The following ZC3H12B variants were observed in gnomAD, a reference collection of about 807,000 sequenced individuals.
The protein encoded by ZC3H12B is zinc finger CCCH-type containing 12B, also known as probable ribonuclease ZC3H12B.
In ZC3H12B, 7 loss-of-function variants were observed where a neutral mutation model predicts 43.9. That is an observed-to-expected ratio of 0.16 (90% CI 0.09 to 0.30). The LOEUF is 0.30. Ranked by LOEUF, ZC3H12B falls within the 10% of genes least tolerant of loss-of-function variation. ZC3H12B has a pLI of 1.00. For missense variants in ZC3H12B, 475 were observed against 670.2 expected, an observed-to-expected ratio of 0.71 and a Z score of 3.22; for synonymous variants, 222 against 241.7, an observed-to-expected ratio of 0.92 and a Z score of 0.76.
the ZC3H12B span, among the ~76,000 whole-genome samples, chrX:65,207,463 A>C: frequency 9.0e-6 from 1 of 110,888 alleles, no homozygotes; most frequent in Admixed American, 9.7e-5. Flanking sequence ...AATGATGACA[A>C]TGCACTTAAA....
chrX:65,409,617 A>G (rs1165089806), intron 3 of ZC3H12B, among the ~76,000 whole-genome samples: 1 of 109,674 alleles, frequency 9.1e-6, no homozygotes, highest in Non-Finnish European at 1.9e-5. Context: ...TGATAAATTC[A>G]GTAAGGTAGG....
chrX:65,346,315 T>C, the ZC3H12B span, among the ~76,000 whole-genome samples: 2 of 105,176 alleles, frequency 1.9e-5, no homozygotes, highest in African/African-American at 3.5e-5. Flanking sequence ...AAACCAGCAG[T>C]AAAACCACAT....
the ZC3H12B span, among the ~76,000 whole-genome samples, chrX:65,195,426 C>T: frequency 1.8e-5 from 2 of 111,987 alleles, no homozygotes; most frequent in Non-Finnish European, 3.8e-5. Context: ...TATAAACCAA[C>T]AAACAAGCGA....
the ZC3H12B span, among the ~76,000 whole-genome samples, chrX:65,355,711 G>T: frequency 8.9e-6 from 1 of 111,762 alleles, no homozygotes; most frequent in Non-Finnish European, 1.9e-5. Flanking sequence ...GGTGGAACAT[G>T]CCTGTAATTC....
the ZC3H12B span, among the ~76,000 whole-genome samples, chrX:65,203,311 A>C: frequency 9.0e-6 from 1 of 111,591 alleles, no homozygotes; most frequent in East Asian, 2.9e-4. Context: ...CTCTTTCCAT[A>C]GCCACCACAG....
chrX:65,387,645 T>A (rs5918564), intron 2 of ZC3H12B, among the ~76,000 whole-genome samples: 23,240 of 110,876 alleles, frequency 0.21, 2,228 homozygotes, highest in Admixed American at 0.32. Flanking sequence ...TTTACATTTA[T>A]GGTTAATATT....
the ZC3H12B span, among the ~76,000 whole-genome samples, chrX:65,252,464 A>T: frequency 6.4e-4 from 72 of 112,066 alleles, no homozygotes; most frequent in African/African-American, 2.3e-3. Context: ...TAAAAAATTA[A>T]TACACACAAA....
the ZC3H12B span, chrX:65,184,895 A>G: frequency 2.7e-5 from 3 of 111,647 alleles, no homozygotes; most frequent in South Asian, 7.5e-4. Context: ...ATAATTATAC[A>G]TATTTATGAG....
the ZC3H12B span, among the ~76,000 whole-genome samples, chrX:65,214,797 G>T: frequency 1.8e-5 from 2 of 111,712 alleles, no homozygotes; most frequent in Non-Finnish European, 3.8e-5. Flanking sequence ...TTATCAAGGT[G>T]CATCAGAGGA....
At chrX:65,066,092 C>T in the ZC3H12B span, among the ~76,000 whole-genome samples, 5 of 109,171 alleles carry the variant, frequency 4.6e-5, no homozygotes, top group African/African-American at 1.3e-4. Flanking sequence ...GAAACATGCT[C>T]CTCGCCTTGG....
the ZC3H12B span, among the ~76,000 whole-genome samples, chrX:65,127,907 C>A: frequency 9.0e-6 from 1 of 111,385 alleles, no homozygotes; most frequent in Non-Finnish European, 1.9e-5. Flanking sequence ...AGTCTATTTC[C>A]AGGCAGCCAG....
chrX:65,203,868 C>A, the ZC3H12B span, among the ~76,000 whole-genome samples: 1 of 111,935 alleles, frequency 8.9e-6, no homozygotes, highest in Non-Finnish European at 1.9e-5. Flanking sequence ...CCATAGAGCA[C>A]TGTAGCCTGT....
intron 3 of ZC3H12B, among the ~76,000 whole-genome samples, chrX:65,435,963 C>A (rs1321089185): frequency 8.9e-6 from 1 of 112,118 alleles, no homozygotes; most frequent in Non-Finnish European, 1.9e-5. Context: ...TCCATTCTCA[C>A]ATTGCTTCAA....
chrX:65,445,824 T>C (rs2067368521), intron 3 of ZC3H12B, among the ~76,000 whole-genome samples: 1 of 112,279 alleles, frequency 8.9e-6, no homozygotes, highest in African/African-American at 3.2e-5. Context: ...AGAAATCTAC[T>C]TGTTGCTTTA....
chrX:65,317,417 G>T, the ZC3H12B span, among the ~76,000 whole-genome samples: 2 of 110,417 alleles, frequency 1.8e-5, no homozygotes, highest in African/African-American at 3.3e-5. Context: ...GGAAACAGGT[G>T]GTCTTTGGTT....
chrX:65,076,495 C>T, the ZC3H12B span, among the ~76,000 whole-genome samples: 4 of 111,817 alleles, frequency 3.6e-5, no homozygotes, highest in Non-Finnish European at 3.8e-5. Context: ...CATTCTTTCT[C>T]ATCTCCTACT....
At chrX:65,072,404 CT>C in the ZC3H12B span, among the ~76,000 whole-genome samples, 1 of 112,428 alleles carries the variant, frequency 8.9e-6, no homozygotes, top group Admixed American at 9.4e-5. Flanking sequence ...CCATCTCAGC[CT>C]GGTTCAGAAC....
At chrX:65,163,562 G>T in the ZC3H12B span, among the ~76,000 whole-genome samples, 33 of 111,633 alleles carry the variant, frequency 3.0e-4, no homozygotes, top group South Asian at 0.012. Context: ...GTGGGCGTAG[G>T]ACCCTCTGAG....
chrX:65,134,219 C>T, the ZC3H12B span, among the ~76,000 whole-genome samples: 9 of 110,625 alleles, frequency 8.1e-5, no homozygotes, highest in South Asian at 3.6e-3. Flanking sequence ...CAGCCCTGGG[C>T]TGCAATGTGT....
Sources: gnomAD v4.1 joint callset for allele counts (sites outside exome capture counted in the v4.1 genomes callset) on GRCh38, gnomAD v4.1.1 for gene constraint, MANE v1.5 for transcripts, NCBI Gene and HGNC (gene_info 2026-07-23, HGNC 2026-07-21) for gene names.